Variants in DAB1 observed in about 807,000 individuals in gnomAD.
The protein encoded by DAB1 is disabled homolog 1.
A neutral mutation model predicts 64.6 loss-of-function variants in DAB1; 15 were observed. The ratio of observed to expected loss-of-function variants is 0.23; its 90% CI spans 0.16 to 0.36. The LOEUF is 0.36. Among genes scored for constraint, DAB1 ranks in the 10% least tolerant of loss-of-function variants. The pLI, the probability that DAB1 is intolerant of heterozygous loss-of-function variation, is 1.00. For missense variants in DAB1, 596 were observed against 706.7 expected (o/e 0.84, Z 1.78); for synonymous variants, 235 against 251.9 (o/e 0.93, Z 0.64).
At chr1:57,813,952 A>C (rs903000833) in intron 6 of DAB1, among the ~76,000 whole-genome samples, 1 of 152,136 alleles carries the variant, frequency 6.6e-6, no homozygotes, top group Admixed American at 6.5e-5. Context: ...TGTCCTTTTC[A>C]CTCTTGGTTA....
intron 5 of DAB1, among the ~76,000 whole-genome samples, chr1:58,068,638 G>T (rs1481719056): frequency 6.6e-6 from 1 of 151,494 alleles, no homozygotes; most frequent in Non-Finnish European, 1.5e-5. Flanking sequence ...TGGTGGTGGG[G>T]GCCTGTAGTC....
intron 1 of DAB1, among the ~76,000 whole-genome samples, chr1:57,846,658 C>T (rs947303591): frequency 6.6e-6 from 1 of 152,080 alleles, no homozygotes; most frequent in Non-Finnish European, 1.5e-5. Context: ...AATGAGAAAA[C>T]TTTGATTTCA....
At chr1:57,394,701 A>G (rs1295571436) in intron 1 of DAB1, among the ~76,000 whole-genome samples, 6 of 152,212 alleles carry the variant, frequency 3.9e-5, no homozygotes, top group Non-Finnish European at 5.9e-5. Context: ...TTTCATGTCT[A>G]CAAAAGACCA....
At chr1:57,133,983 T>C (rs17115155) in intron 4 of DAB1, among the ~76,000 whole-genome samples, 2,433 of 152,330 alleles carry the variant, frequency 0.016, 36 homozygotes, top group East Asian at 0.057. Context: ...TCAATAGATA[T>C]GACTTTAAGA....
intron 6 of DAB1, among the ~76,000 whole-genome samples, chr1:57,797,626 A>G (rs747533336): frequency 1.9e-4 from 29 of 152,262 alleles, no homozygotes; most frequent in Admixed American, 7.8e-4. Flanking sequence ...CTGATTCTTC[A>G]GTGATAGTAA....
intron 7 of DAB1, among the ~76,000 whole-genome samples, chr1:57,547,703 C>T (rs925143133): frequency 6.6e-6 from 1 of 152,126 alleles, no homozygotes; most frequent in African/African-American, 2.4e-5. Flanking sequence ...GGTTTGGATT[C>T]TGGAACAGAA....
intron 5 of DAB1, among the ~76,000 whole-genome samples, chr1:57,975,052 T>C (rs566046221): frequency 6.6e-6 from 1 of 152,258 alleles, no homozygotes; most frequent in African/African-American, 2.4e-5. Flanking sequence ...ACCCCCAATA[T>C]GATGGCATTA....
chr1:57,275,957 A>G (rs1671422953), intron 2 of DAB1, among the ~76,000 whole-genome samples: 1 of 152,222 alleles, frequency 6.6e-6, no homozygotes, highest in Non-Finnish European at 1.5e-5. Flanking sequence ...CACCAATAAA[A>G]ATGGCAACAA....
At chr1:57,553,884 G>A (rs1644956681) in intron 7 of DAB1, among the ~76,000 whole-genome samples, 1 of 152,060 alleles carries the variant, frequency 6.6e-6, no homozygotes, top group Non-Finnish European at 1.5e-5. Flanking sequence ...ATGACAAGGT[G>A]TGAAGTGTTT....
intron 1 of DAB1, among the ~76,000 whole-genome samples, chr1:57,323,964 C>T (rs911896799): frequency 1.3e-5 from 2 of 152,088 alleles, no homozygotes; most frequent in African/African-American, 4.8e-5. Context: ...CTGAGAGCAA[C>T]ACAGCCCAAC....
intron 3 of DAB1, among the ~76,000 whole-genome samples, chr1:58,356,844 G>A (rs1644116102): frequency 6.6e-6 from 1 of 151,966 alleles, no homozygotes; most frequent in Non-Finnish European, 1.5e-5. Context: ...GGGCAGCATA[G>A]GAGAACTGGG....
At chr1:58,025,678 T>TATATATATAC (rs1646883472) in intron 5 of DAB1, among the ~76,000 whole-genome samples, 1 of 145,062 alleles carries the variant, frequency 6.9e-6, no homozygotes, top group Non-Finnish European at 1.5e-5. Flanking sequence ...TATATATATA[T>TATATATATAC]ATATATATGG....
At position 57,662,903 on chromosome 1, in the gene DAB1, T is replaced by A. The variant is rs191527762; in HGVS notation, n.552-13238A>T. ...TTTCTGTTTTTCCTCTACCAATATT[T>A]TAGCATCATTCTGCAATTTGGACTA... On this transcript the variant is annotated intron_variant and non_coding_transcript_variant, in intron 6 of 20. Transcript: ENST00000485760. Among the ~76,000 whole-genome samples the A allele has an allele frequency of 1.7e-4, 26 of 152,332 alleles. 1 individual carries two copies. The highest frequency in any genetic ancestry group is 6.3e-4 in the African/African-American group (26 of 41,586).
At chr1:57,445,591 T>C (rs1268954698) in intron 7 of DAB1, among the ~76,000 whole-genome samples, 8 of 152,158 alleles carry the variant, frequency 5.3e-5, no homozygotes, top group African/African-American at 1.9e-4. Flanking sequence ...ATCCCAAGAA[T>C]TGTAAGATAA....
chr1:57,187,279 AT>A (rs778551246), intron 2 of DAB1, among the ~76,000 whole-genome samples: 1 of 152,084 alleles, frequency 6.6e-6, no homozygotes, highest in African/African-American at 2.4e-5. Context: ...TCATTGCATG[AT>A]TTTTTCTATT....
At chr1:58,499,397 A>C (rs1486844233) in intron 3 of DAB1, among the ~76,000 whole-genome samples, 2 of 151,662 alleles carry the variant, frequency 1.3e-5, no homozygotes, top group Non-Finnish European at 2.9e-5. Context: ...AAGTGGGAAA[A>C]TTGCTTTAGC....
At chr1:57,906,931 A>C (rs1471514050) in intron 5 of DAB1, among the ~76,000 whole-genome samples, 1 of 138,562 alleles carries the variant, frequency 7.2e-6, no homozygotes, top group East Asian at 2.1e-4. Flanking sequence ...ATAAGAATAT[A>C]ATATGCAGAT....
intron 5 of DAB1, among the ~76,000 whole-genome samples, chr1:57,895,565 A>G (rs1262625743): frequency 6.6e-6 from 1 of 152,232 alleles, no homozygotes; most frequent in Non-Finnish European, 1.5e-5. Context: ...CTCAGGAAGC[A>G]TACAGTGTAG....
intron 3 of DAB1, among the ~76,000 whole-genome samples, chr1:58,405,701 C>G (rs338914): frequency 0.13 from 19,847 of 152,228 alleles, 1,739 homozygotes; most frequent in Middle Eastern, 0.21. Flanking sequence ...CCTTATGTCT[C>G]CTGCTCATTG....
Sources: gnomAD v4.1 joint callset for allele counts (sites outside exome capture counted in the v4.1 genomes callset) on GRCh38, gnomAD v4.1.1 for gene constraint, MANE v1.5 for transcripts, NCBI Gene and HGNC (gene_info 2026-07-23, HGNC 2026-07-21) for gene names.